Variants in CDCA8 observed in about 807,000 individuals in gnomAD.
CDCA8 encodes the protein cell division cycle associated 8.
In CDCA8, 25 loss-of-function variants were observed where a neutral mutation model predicts 40.0. The observed-to-expected ratio is 0.63, with a 90% CI of 0.46 to 0.87. The LOEUF (loss-of-function observed/expected upper bound fraction) is 0.87. Among genes scored for constraint, CDCA8 ranks in the 40% least tolerant of loss-of-function variants. The probability of loss-of-function intolerance (pLI) is 0.00; values close to 1 mark genes in which losing one functional copy is unlikely to be tolerated. For synonymous variants in CDCA8, 111 were observed against 126.5 expected (o/e 0.88, Z 0.82); for missense variants, 280 against 348.4 (o/e 0.80, Z 1.56).
At chr1:37,697,267 C>T (rs925193084) in intron 3 of CDCA8, among the ~76,000 whole-genome samples, 75 of 152,028 alleles carry the variant, frequency 4.9e-4, no homozygotes, top group African/African-American at 1.7e-3. Flanking sequence ...ACACCCATGG[C>T]GATGATTTAT....
rs1349326715 is a variant in CDCA8, at chr1:37,693,056, G to C, written c.223+23G>C. 6 of 1,611,846 alleles carry C rather than the reference G, an allele frequency of 3.7e-6. No individual in the cohort carries two copies. In the South Asian group the frequency reaches 6.6e-5, roughly 18 times the overall value. ...TCGGTAAGAGCTGGAGAGCTTCCCT[G>C]GGCGGAGGCCAGGAGCCCCTTGGGG... is the stretch of plus-strand genomic sequence containing the variant. On this transcript the variant is annotated intron_variant, in intron 2 of 9. Coordinates refer to ENST00000373055, the MANE Select transcript of CDCA8 (RefSeq NM_001256875.2).
At chr1:37,700,645 A>G (rs565561990) in intron 5 of CDCA8, 124 bp downstream of exon 5, 4 of 672,026 alleles carry the variant, frequency 6.0e-6, no homozygotes, top group Non-Finnish European at 1.1e-5. Context: ...TTACATGGCA[A>G]TGACAAAAGA....
intron 2 of CDCA8, 131 bp downstream of exon 2, chr1:37,693,164 A>G (rs1331507943): frequency 6.9e-6 from 3 of 434,738 alleles, no homozygotes; most frequent in Non-Finnish European, 1.1e-5. Context: ...AAAATTGCAG[A>G]CCCTTTCACT....
chr1:37,703,160 T>A, intron 6 of CDCA8, 92 bp from the exon 7 acceptor site: 1 of 968,536 alleles, frequency 1.0e-6, no homozygotes, highest in Non-Finnish European at 1.7e-6. Flanking sequence ...CGGAGCAGTA[T>A]CTCACAGTCA....
rs1160582726 is a variant in CDCA8, at chr1:37,696,543, G to A, written c.264+593G>A. On this transcript the variant is annotated intron_variant, in intron 3 of 9. Transcript: ENST00000373055. This position sits in a 1 kb window ranked among gnomAD's most constrained non-coding sequence, Gnocchi z 5.0. The stretch of plus-strand genomic sequence containing the variant: ...TTTTACATGTTCAATACCTACATAT[G>A]ACTAGTAGCTACTCCATCAGAGAGC... Among the ~76,000 whole-genome samples, 1 of 152,182 alleles carries A rather than the reference G, an allele frequency of 6.6e-6. No individual in the cohort carries two copies. The highest frequency in any genetic ancestry group is 1.5e-5 in the Non-Finnish European group (1 of 68,036).
At chr1:37,698,244 G>A (rs1472492730) in intron 3 of CDCA8, among the ~76,000 whole-genome samples, 2 of 152,204 alleles carry the variant, frequency 1.3e-5, no homozygotes, top group African/African-American at 4.8e-5. Context: ...TTGGCATAAT[G>A]CGAAGGCTGA....
intron 9 of CDCA8, among the ~76,000 whole-genome samples, chr1:37,707,552 G>A (rs1207304374): frequency 1.3e-5 from 2 of 148,666 alleles, no homozygotes; most frequent in African/African-American, 4.9e-5. Flanking sequence ...ACAGGCTCCA[G>A]GTTCTGTGCT....
chr1:37,708,403 C>T lies in CDCA8; in HGVS notation c.*37C>T. Reference sequence around the variant, plus strand: ...TGACAGGATGGACTTTTAATGGGCACTTCTGGGACCCTGAAGAGACTTCTT... The same window carrying T: ...TGACAGGATGGACTTTTAATGGGCATTTCTGGGACCCTGAAGAGACTTCTT... On this transcript the variant is annotated 3_prime_UTR_variant, in exon 10 of 10. Coordinates refer to ENST00000373055, the MANE Select transcript of CDCA8 (RefSeq NM_001256875.2). The T allele has an allele frequency of 6.3e-7, 1 of 1,587,834 alleles. No homozygotes were observed. The highest frequency in any genetic ancestry group is 8.6e-7 in the Non-Finnish European group (1 of 1,156,154).
Position 37,698,906 on chromosome 1 carries a change from C to T in CDCA8, c.266C>T (p.Ala89Val), listed in dbSNP as rs559744929. The T allele has an allele frequency of 7.4e-6, 12 of 1,611,780 alleles. No homozygotes were observed. Among genetic ancestry groups the T allele is most frequent in the Non-Finnish European group, 9.3e-6 (11 of 1,177,982 alleles). The change falls in exon 4 of 10, where the codon GCT (alanine) becomes GTT (valine). Residue 89 changes from alanine to valine, a missense_variant and splice_region_variant. Coordinates refer to ENST00000373055, the MANE Select transcript of CDCA8 (RefSeq NM_001256875.2). ...GCTTTCTGGCTATGTTTGTCATAGG[C>T]TGACCTGGATATCACCGAAATAAAC... ...NKQALEEAAT[A>V]DLDITEINKL...
Position 37,709,278 on chromosome 1 carries a change from G to A in CDCA8, c.*912G>A, listed in dbSNP as rs1645623497. Reference sequence around the variant, plus strand: ...CCCTGCCAAGTCTGTAGACTTCAGAGAGCACTTCTCTCTTATGGGGTTCAT... The same window carrying A: ...CCCTGCCAAGTCTGTAGACTTCAGAAAGCACTTCTCTCTTATGGGGTTCAT... On this transcript the variant is annotated 3_prime_UTR_variant, in exon 10 of 10. Transcript: ENST00000373055. The A allele has an allele frequency of 6.6e-6, 1 of 152,278 alleles. No individual in the cohort carries two copies. The highest frequency in any genetic ancestry group is 2.4e-5 in the African/African-American group (1 of 41,456). The allele number at this position is 152,278 out of a possible 1,614,324, so 9.4% of individuals were successfully genotyped here. A position where few individuals can be genotyped will look rare whatever the true frequency, so the allele number is the denominator to read the frequency against.
In CDCA8 at chr1:37,708,497, G is replaced by C; in HGVS notation, c.*131G>C. 1.2e-6 allele frequency: 1 copy of C among 849,772 alleles called. No homozygotes were observed. The highest frequency in any genetic ancestry group is 1.4e-5 in the South Asian group (1 of 69,622). 52.6% of individuals were successfully genotyped at this position (849,772 alleles called of 1,614,324 possible). ...GCCATGTTCCTCTAAGGGAATTCAGGAATTCAGACGTGCTAGTCCCACACC... is the reference window on the plus strand; with the variant it reads ...GCCATGTTCCTCTAAGGGAATTCAGCAATTCAGACGTGCTAGTCCCACACC... On this transcript the variant is annotated 3_prime_UTR_variant, in exon 10 of 10. Coordinates refer to ENST00000373055, the MANE Select transcript of CDCA8 (RefSeq NM_001256875.2).
At position 37,698,959 on chromosome 1, in the gene CDCA8, C is replaced by T. The variant is rs1328602902; in HGVS notation, c.319C>T (p.Pro107Ser). The change falls in exon 4 of 10, where the codon CCC becomes TCC. Residue 107 changes from proline to serine, a missense_variant. Pro to Ser is a moderately conservative substitution (Grantham distance 74, BLOSUM62 -1). Transcript: ENST00000373055. ...ACTAACAGCAGAAGCTATTCAGACA[C>T]CCCTGAAATCTGCCAAAAGTGAGTA... ...NKLTAEAIQTPLKSAKTRKVI... is the reference protein window; with the variant it reads ...NKLTAEAIQTSLKSAKTRKVI... 1 of 1,612,600 alleles carries T rather than the reference C, an allele frequency of 6.2e-7. No individual in the cohort carries two copies. The highest frequency in any genetic ancestry group is 2.2e-5 in the East Asian group (1 of 44,880).
chr1:37,705,630 T>C, intron 8 of CDCA8, 63 bp downstream of exon 8: 1 of 1,586,800 alleles, frequency 6.3e-7, no homozygotes, highest in South Asian at 1.1e-5. Flanking sequence ...TTCTTTTCCC[T>C]GGGCCCTCAC....
At position 37,706,975 on chromosome 1, in the gene CDCA8, C is replaced by G. The variant is rs1473213912; in HGVS notation, c.712-3C>G. On this transcript the variant is annotated splice_region_variant and splice_polypyrimidine_tract_variant and intron_variant, in intron 8 of 9. Coordinates refer to ENST00000373055, the MANE Select transcript of CDCA8 (RefSeq NM_001256875.2). ...AGTTTAACCCACTCCCCTTTCTATT[C>G]AGAGCCTGCGATTATTGGCCAGTGA... The G allele has an allele frequency of 6.2e-7, 1 of 1,613,082 alleles. No homozygotes were observed. Among genetic ancestry groups the G allele is most frequent in the Non-Finnish European group, 8.5e-7 (1 of 1,179,048 alleles).
intron 7 of CDCA8, among the ~76,000 whole-genome samples, chr1:37,704,753 T>G (rs1440390451): frequency 6.9e-6 from 1 of 144,408 alleles, no homozygotes; most frequent in Non-Finnish European, 1.5e-5. Context: ...GTTCAAGCAA[T>G]TCTCCTGCCT....
chr1:37,695,957 G>GA lies in CDCA8; in HGVS notation c.264+8dup. On this transcript the variant is annotated splice_region_variant and intron_variant, in intron 3 of 9. Coordinates refer to ENST00000373055, the MANE Select transcript of CDCA8 (RefSeq NM_001256875.2). Reference sequence around the variant, plus strand: ...CCTGGAAGAGGCGGCAACAGTAAGTGACCTTTCCTATTTTCCAGCCAGTGG... The same window carrying GA: ...CCTGGAAGAGGCGGCAACAGTAAGTGAACCTTTCCTATTTTCCAGCCAGTGG... 6.2e-7 allele frequency: 1 copy of GA among 1,613,666 alleles called. No homozygotes were observed. Among genetic ancestry groups the GA allele is most frequent in the Non-Finnish European group, 8.5e-7 (1 of 1,179,614 alleles).
chr1:37,700,701 C>A (rs1645557971), intron 5 of CDCA8, among the ~76,000 whole-genome samples, 180 bp downstream of exon 5: 2 of 152,152 alleles, frequency 1.3e-5, no homozygotes, highest in Non-Finnish European at 2.9e-5. Context: ...GAAGAGGAAG[C>A]TAGCAAGCCT....
At chr1:37,693,715 A>T (rs958428037) in intron 2 of CDCA8, among the ~76,000 whole-genome samples, 6 of 152,308 alleles carry the variant, frequency 3.9e-5, no homozygotes, top group African/African-American at 1.2e-4. Context: ...TAGTATTTTT[A>T]AAAATATATG....
At position 37,708,562 on chromosome 1, in the gene CDCA8, G is replaced by A. The variant is rs1398190403; in HGVS notation, c.*196G>A. ...GTCTGTTCACCCTCCCATCCCAGCT[G>A]ATCCCAGTCACTGCTTGCTGGGGCC... On this transcript the variant is annotated 3_prime_UTR_variant, in exon 10 of 10. Transcript: ENST00000373055. 3.4e-6 allele frequency: 2 copies of A among 596,922 alleles called. No homozygotes were observed. Among genetic ancestry groups the A allele is most frequent in the African/African-American group, 3.7e-5 (2 of 53,914 alleles). 37.0% of individuals were successfully genotyped at this position (596,922 alleles called of 1,614,324 possible).
Sources: allele counts gnomAD v4.1 joint callset (sites outside exome capture counted in the v4.1 genomes callset), GRCh38; gene constraint gnomAD v4.1.1; non-coding constraint Gnocchi (gnomAD v3.1); transcripts MANE v1.5; gene names NCBI Gene and HGNC (gene_info 2026-07-23, HGNC 2026-07-21).